Variants in EPHA3 observed in about 807,000 individuals in gnomAD.
EPHA3 encodes ephrin type-A receptor 3.
A neutral mutation model predicts 107.1 loss-of-function variants in EPHA3; 42 were observed. The observed-to-expected ratio is 0.39, with a 90% CI of 0.31 to 0.51. EPHA3 has a LOEUF of 0.51. Among genes scored for constraint, EPHA3 ranks in the 20% least tolerant of loss-of-function variants. EPHA3 has a pLI of 0.78. For synonymous variants in EPHA3, 461 were observed against 424.8 expected (o/e 1.09, Z -1.05); for missense variants, 1,183 against 1,211.2 (o/e 0.98, Z 0.35).
intron 1 of EPHA3, among the ~76,000 whole-genome samples, chr3:89,117,054 G>A (rs34893903): frequency 0.11 from 16,721 of 152,044 alleles, 948 homozygotes; most frequent in Middle Eastern, 0.18. Flanking sequence ...TTACATAGCA[G>A]GGCCTCAAAA....
intron 1 of EPHA3, 38 bp downstream of exon 1, chr3:89,107,874 C>CG: frequency 6.3e-7 from 1 of 1,590,304 alleles, no homozygotes; most frequent in Admixed American, 1.7e-5. Context: ...CTCTGCCCCG[C>CG]GGGGCTCACG....
At chr3:89,179,447 A>G (rs537523648) in intron 2 of EPHA3, among the ~76,000 whole-genome samples, 12 of 152,138 alleles carry the variant, frequency 7.9e-5, no homozygotes, top group African/African-American at 2.6e-4. Context: ...TCTAATAAGA[A>G]ATAAATCATG....
intron 5 of EPHA3, among the ~76,000 whole-genome samples, chr3:89,358,696 T>C (rs1708019927): frequency 6.6e-6 from 1 of 151,064 alleles, no homozygotes; most frequent in African/African-American, 2.4e-5. Context: ...TATATGACAT[T>C]AAGTATAATA....
In EPHA3 at chr3:89,363,332, T is replaced by A. The variant is rs1398999716; in HGVS notation, c.1306+21242T>A. On this transcript the variant is annotated intron_variant, in intron 5 of 16. Transcript: ENST00000336596. ...AGAGAGTTTAAGGAATAGGCTCATG[T>A]GATTGTGGAGGCTGCCAAATCCACA... 1.3e-5 allele frequency among the ~76,000 whole-genome samples: 2 copies of A among 150,636 alleles called. 1 individual carries two copies. The highest frequency in any genetic ancestry group is 3.0e-5 in the Non-Finnish European group (2 of 67,250).
At chr3:89,381,274 T>TAG (rs1206598705) in intron 5 of EPHA3, among the ~76,000 whole-genome samples, 24 of 151,644 alleles carry the variant, frequency 1.6e-4, no homozygotes, top group Admixed American at 1.6e-3. Flanking sequence ...GCCCGGCCTA[T>TAG]AGGCTGGTTT....
In EPHA3 at chr3:89,149,370, A is replaced by G. The variant is rs80115098; in HGVS notation, c.153+22097A>G. On this transcript the variant is annotated intron_variant, in intron 2 of 16. Coordinates refer to ENST00000336596, the MANE Select transcript of EPHA3 (RefSeq NM_005233.6). ...GTTTCCTTTTCTGAAATAGAAAACC[A>G]TTGAAATAAGACACATAGGAGTGGT... Among the ~76,000 whole-genome samples the G allele has an allele frequency of 4.6e-3, 703 of 152,146 alleles. 5 individuals are homozygous for G. The highest frequency in any genetic ancestry group is 0.016 in the African/African-American group (655 of 41,534).
chr3:89,371,885 A>G (rs116282871), intron 5 of EPHA3, among the ~76,000 whole-genome samples: 2,316 of 151,696 alleles, frequency 0.015, 43 homozygotes, highest in African/African-American at 0.053. Context: ...ATGACTCAAC[A>G]TTTGAAGAGT....
At chr3:89,179,009 C>A (rs1705379971) in intron 2 of EPHA3, among the ~76,000 whole-genome samples, 1 of 151,626 alleles carries the variant, frequency 6.6e-6, no homozygotes. Flanking sequence ...TTTCTAAAAG[C>A]AAAATGGTAC....
chr3:89,221,435 AC>A (rs1403403308), intron 3 of EPHA3, among the ~76,000 whole-genome samples: 6 of 152,168 alleles, frequency 3.9e-5, no homozygotes, highest in African/African-American at 1.4e-4. Context: ...ATACATAGAT[AC>A]GCTCTCTTAA....
Position 89,158,316 on chromosome 3 carries a change from C to T in EPHA3, c.153+31043C>T, listed in dbSNP as rs772488754. Among the ~76,000 whole-genome samples the T allele has an allele frequency of 1.7e-4, 26 of 152,112 alleles. 1 individual carries two copies. The highest frequency in any genetic ancestry group is 1.0e-3 in the South Asian group (5 of 4,820). On this transcript the variant is annotated intron_variant, in intron 2 of 16. Coordinates refer to ENST00000336596, the MANE Select transcript of EPHA3 (RefSeq NM_005233.6). Reference sequence around the variant, plus strand: ...GATTCTACCACTTCATTGAGGATTGCCTTTAATGTTCATGGTAGACAGTAT... The same window carrying T: ...GATTCTACCACTTCATTGAGGATTGTCTTTAATGTTCATGGTAGACAGTAT...
intron 3 of EPHA3, among the ~76,000 whole-genome samples, chr3:89,234,421 C>A (rs2107230864): frequency 6.6e-6 from 1 of 152,240 alleles, no homozygotes; most frequent in African/African-American, 2.4e-5. Flanking sequence ...CAGTCATGTA[C>A]CACAATTAAT....
chr3:89,375,490 G>A lies in EPHA3; in HGVS notation c.1307-20347G>A, dbSNP rs527872908. Among the ~76,000 whole-genome samples the A allele has an allele frequency of 5.3e-4, 80 of 151,672 alleles. 1 individual carries two copies. The highest frequency in any genetic ancestry group is 1.7e-3 in the African/African-American group (70 of 41,388). ...AGCTTAATCCTGTTGCTGAAGAGTG[G>A]GAGCCCGTTTGGAATACTTGCTTCA... On this transcript the variant is annotated intron_variant, in intron 5 of 16. Transcript: ENST00000336596.
At chr3:89,207,179 A>G (rs1706125249) in intron 2 of EPHA3, among the ~76,000 whole-genome samples, 1 of 152,172 alleles carries the variant, frequency 6.6e-6, no homozygotes, top group Admixed American at 6.5e-5. Context: ...TCCCCTAATG[A>G]GGCTTAAAGG....
chr3:89,468,844 G>A (rs1307012178), intron 15 of EPHA3, among the ~76,000 whole-genome samples: 1 of 151,754 alleles, frequency 6.6e-6, no homozygotes, highest in Non-Finnish European at 1.5e-5. Context: ...TGTACATTTT[G>A]GTGTATATCT....
intron 3 of EPHA3, among the ~76,000 whole-genome samples, chr3:89,262,961 C>CTTT (rs1705452994): frequency 8.8e-6 from 1 of 113,934 alleles, no homozygotes; most frequent in Non-Finnish European, 1.8e-5. Context: ...TGTTACAGCG[C>CTTT]TCTTTTTTTT....
chr3:89,149,605 G>A (rs1704645091), intron 2 of EPHA3, among the ~76,000 whole-genome samples: 1 of 151,342 alleles, frequency 6.6e-6, no homozygotes, highest in East Asian at 2.0e-4. Context: ...TTTAACATTA[G>A]GTATATTTCC....
intron 2 of EPHA3, among the ~76,000 whole-genome samples, chr3:89,144,966 T>C (rs905665881): frequency 6.6e-6 from 1 of 151,734 alleles, no homozygotes; most frequent in Non-Finnish European, 1.5e-5. Context: ...ATAGTATCAA[T>C]AGTAAGCATT....
At chr3:89,356,403 C>T (rs367850670) in intron 5 of EPHA3, among the ~76,000 whole-genome samples, 30 of 151,128 alleles carry the variant, frequency 2.0e-4, no homozygotes, top group East Asian at 9.7e-4. Flanking sequence ...CCTGAAGAAT[C>T]GCCACACTGA....
chr3:89,234,965 CTCCT>C (rs1392798022), intron 3 of EPHA3, among the ~76,000 whole-genome samples: 14 of 135,776 alleles, frequency 1.0e-4, no homozygotes, highest in African/African-American at 2.2e-4. Context: ...CTTTCCCTTC[CTCCT>C]TCCTTCCTTC....
Sources: gnomAD v4.1 joint callset for allele counts (sites outside exome capture counted in the v4.1 genomes callset) on GRCh38, gnomAD v4.1.1 for gene constraint, MANE v1.5 for transcripts, NCBI Gene and HGNC (gene_info 2026-07-23, HGNC 2026-07-21) for gene names.